Variants in MAGI3 observed in about 807,000 individuals in gnomAD.
The protein encoded by MAGI3 is membrane associated guanylate kinase, WW and PDZ domain containing 3.
MAGI3 carries 43 observed loss-of-function variants against 121.8 expected under a neutral mutation model. That is an observed-to-expected ratio of 0.35 (90% CI 0.28 to 0.46). The LOEUF (loss-of-function observed/expected upper bound fraction) is 0.46. Ranked by LOEUF, MAGI3 falls within the 20% of genes least tolerant of loss-of-function variation. MAGI3 has a pLI of 1.00. For synonymous variants in MAGI3, 553 were observed against 639.3 expected (o/e 0.86, Z 2.04); for missense variants, 1,547 against 1,797.3 (o/e 0.86, Z 2.52).
intron 1 of MAGI3, among the ~76,000 whole-genome samples, chr1:113,411,190 T>G (rs1651957540): frequency 6.6e-6 from 1 of 152,150 alleles, no homozygotes; most frequent in South Asian, 2.1e-4. Flanking sequence ...AACATTAATA[T>G]ATAATTTATT....
chr1:113,649,201 T>G (rs1210162909), intron 12 of MAGI3, 36 bp from the exon 13 acceptor site: 1 of 1,482,920 alleles, frequency 6.7e-7, no homozygotes, highest in South Asian at 1.2e-5. Flanking sequence ...CCTTTTAAAA[T>G]AAATCATAGT....
chr1:113,419,553 T>TGG (rs1192330238), intron 1 of MAGI3, among the ~76,000 whole-genome samples: 1 of 152,230 alleles, frequency 6.6e-6, no homozygotes, highest in South Asian at 2.1e-4. Context: ...TCTTTTGGGC[T>TGG]GGGGGTGTAG....
intron 1 of MAGI3, among the ~76,000 whole-genome samples, chr1:113,414,112 C>T (rs572332609): frequency 2.8e-4 from 42 of 152,000 alleles, no homozygotes; most frequent in Non-Finnish European, 4.4e-4. Flanking sequence ...TGTCAAAGGC[C>T]TTTTCTGCAT....
Position 113,681,139 on chromosome 1 carries a change from A to G in MAGI3, c.3190-59A>G, listed in dbSNP as rs1648189946. 2.5e-6 allele frequency: 4 copies of G among 1,579,664 alleles called. No individual in the cohort carries two copies. In the South Asian group the frequency reaches 3.5e-5, roughly 14 times the overall value. On this transcript the variant is annotated intron_variant, in intron 19 of 20. Coordinates refer to ENST00000307546, the MANE Select transcript of MAGI3 (RefSeq NM_001142782.2). The stretch of plus-strand genomic sequence containing the variant: ...GTTGAATGGCTCAAGAGCTGACAAA[A>G]GCAGAATTTACAAAGGATGCATAGT...
At position 113,678,676 on chromosome 1, in the gene MAGI3, G is replaced by A. The variant is rs962434776; in HGVS notation, c.3190-2522G>A. On this transcript the variant is annotated intron_variant, in intron 19 of 20. Transcript: ENST00000307546. ...GCTTGAAAACTAATATTTGCACTTG[G>A]TATATAATCATGTTTTATCTTAAGT... Among the ~76,000 whole-genome samples, 4 of 152,186 alleles carry A rather than the reference G, an allele frequency of 2.6e-5. 1 individual carries two copies. Among genetic ancestry groups the A allele is most frequent in the South Asian group, 4.1e-4 (2 of 4,820 alleles).
chr1:113,464,144 C>T (rs1655162968), intron 1 of MAGI3, among the ~76,000 whole-genome samples: 2 of 152,080 alleles, frequency 1.3e-5, no homozygotes, highest in African/African-American at 4.8e-5. Flanking sequence ...AACTCCTCTT[C>T]ATCTCTTCCT....
At chr1:113,412,208 T>C (rs1052635465) in intron 1 of MAGI3, among the ~76,000 whole-genome samples, 5 of 152,160 alleles carry the variant, frequency 3.3e-5, no homozygotes, top group African/African-American at 1.2e-4. Flanking sequence ...GAACTCATCC[T>C]TTTTTATGAC....
chr1:113,435,287 C>G (rs949026759), intron 1 of MAGI3, among the ~76,000 whole-genome samples: 3 of 152,002 alleles, frequency 2.0e-5, no homozygotes, highest in Non-Finnish European at 4.4e-5. Flanking sequence ...TAGAATTTCA[C>G]CAAAGATGAT....
intron 2 of MAGI3, among the ~76,000 whole-genome samples, chr1:113,562,869 G>A (rs528657169): frequency 2.6e-5 from 4 of 152,268 alleles, no homozygotes; most frequent in African/African-American, 9.6e-5. Flanking sequence ...TTTAGGCCCA[G>A]GTGATACTGG....
intron 1 of MAGI3, among the ~76,000 whole-genome samples, chr1:113,526,003 AAAAAC>A (rs1202412858): frequency 1.3e-5 from 2 of 152,218 alleles, no homozygotes; most frequent in Admixed American, 6.5e-5. Context: ...TCCATCTCAA[AAAAAC>A]AAAACAAAAC....
chr1:113,544,322 T>C (rs751451386), intron 1 of MAGI3, among the ~76,000 whole-genome samples: 1 of 152,182 alleles, frequency 6.6e-6, no homozygotes, highest in Non-Finnish European at 1.5e-5. Context: ...ATTGGTTGTG[T>C]GTTGATGTGG....
intron 1 of MAGI3, among the ~76,000 whole-genome samples, chr1:113,480,869 G>A (rs766609378): frequency 2.6e-5 from 4 of 152,072 alleles, no homozygotes; most frequent in South Asian, 4.1e-4. Flanking sequence ...TTTTGAATCC[G>A]CCAGTAGGAA....
intron 9 of MAGI3, among the ~76,000 whole-genome samples, chr1:113,634,116 A>T (rs1651845103): frequency 6.6e-6 from 1 of 152,062 alleles, no homozygotes; most frequent in Non-Finnish European, 1.5e-5. Flanking sequence ...GTTTGAGTTC[A>T]TTGTAGATTC....
At chr1:113,467,284 T>C (rs1336571515) in intron 1 of MAGI3, among the ~76,000 whole-genome samples, 1 of 152,178 alleles carries the variant, frequency 6.6e-6, no homozygotes, top group Non-Finnish European at 1.5e-5. Context: ...TTTTTAGTTT[T>C]ATTACATTGT....
At chr1:113,576,333 G>C (rs1331972076) in intron 2 of MAGI3, among the ~76,000 whole-genome samples, 2 of 152,216 alleles carry the variant, frequency 1.3e-5, no homozygotes, top group East Asian at 3.8e-4. Flanking sequence ...CTGGTCTGCA[G>C]GTTGCAAAAG....
At chr1:113,625,662 C>T (rs979716848) in intron 9 of MAGI3, among the ~76,000 whole-genome samples, 2 of 152,084 alleles carry the variant, frequency 1.3e-5, no homozygotes, top group Admixed American at 1.3e-4. Context: ...TGACTTCTCC[C>T]TTTCCAATTT....
intron 20 of MAGI3, 54 bp downstream of exon 20, chr1:113,681,390 G>A: frequency 6.5e-7 from 1 of 1,548,112 alleles, no homozygotes; most frequent in Non-Finnish European, 8.8e-7. Context: ...GGAGGGGACA[G>A]AAGAAAAAGG....
chr1:113,671,715 T>G lies in MAGI3; in HGVS notation c.2816-19T>G. The G allele has an allele frequency of 6.2e-7, 1 of 1,611,416 alleles. No homozygotes were observed. Among genetic ancestry groups the G allele is most frequent in the Non-Finnish European group, 8.5e-7 (1 of 1,177,738 alleles). On this transcript the variant is annotated intron_variant, in intron 16 of 20. Coordinates refer to ENST00000307546, the MANE Select transcript of MAGI3 (RefSeq NM_001142782.2). ...TTTATGTACAAATTCTTATTTCTAT[T>G]GTTTTCTCATTTGAACAGAGCATCA... is the stretch of plus-strand genomic sequence containing the variant.
chr1:113,650,208 G>A (rs1653078672), intron 13 of MAGI3, among the ~76,000 whole-genome samples: 1 of 151,952 alleles, frequency 6.6e-6, no homozygotes, highest in Non-Finnish European at 1.5e-5. Flanking sequence ...AGTCATTGGA[G>A]ACACATAAAG....
Sources: allele counts gnomAD v4.1 joint callset (sites outside exome capture counted in the v4.1 genomes callset), GRCh38; gene constraint gnomAD v4.1.1; transcripts MANE v1.5; gene names NCBI Gene and HGNC (gene_info 2026-07-23, HGNC 2026-07-21).